WWOX: variants seen among roughly 807,000 people sequenced by gnomAD.
WWOX encodes the protein WW domain-containing oxidoreductase.
WWOX carries 69 observed loss-of-function variants against 46.2 expected under a neutral mutation model. The observed-to-expected ratio is 1.49, with a 90% confidence interval of 1.23 to 1.82. WWOX has a LOEUF of 1.82. WWOX is among the 40% of genes most tolerant of loss of function. The probability of loss-of-function intolerance (pLI) is 0.00; values close to 1 mark genes in which losing one functional copy is unlikely to be tolerated. For synonymous variants in WWOX, 359 were observed against 202.6 expected (o/e 1.77, Z -6.56); for missense variants, 919 against 542.6 (o/e 1.69, Z -6.89).
At chr16:78,465,964 G>A (rs549142098) in intron 8 of WWOX, among the ~76,000 whole-genome samples, 3 of 152,238 alleles carry the variant, frequency 2.0e-5, no homozygotes, top group South Asian at 4.1e-4. Context: ...ATACGCATCG[G>A]TGGTTTCTGG....
At chr16:78,865,248 C>T (rs1228911841) in intron 8 of WWOX, among the ~76,000 whole-genome samples, 1 of 152,068 alleles carries the variant, frequency 6.6e-6, no homozygotes, top group Non-Finnish European at 1.5e-5. Flanking sequence ...GACTTACTCT[C>T]TTCCTTTATT....
At chr16:79,058,104 C>CT (rs1285861865) in intron 8 of WWOX, among the ~76,000 whole-genome samples, 13 of 108,188 alleles carry the variant, frequency 1.2e-4, no homozygotes, top group Non-Finnish European at 1.9e-4. Flanking sequence ...ATATATCTTA[C>CT]TTAAAAAAAA....
chr16:78,570,241 G>C (rs754150875), intron 8 of WWOX, among the ~76,000 whole-genome samples: 1 of 152,132 alleles, frequency 6.6e-6, no homozygotes, highest in Non-Finnish European at 1.5e-5. Flanking sequence ...GGGCCCAAGT[G>C]TTTTATTAAT....
intron 6 of WWOX, among the ~76,000 whole-genome samples, chr16:78,416,469 C>T (rs150514506): frequency 6.6e-6 from 1 of 152,302 alleles, no homozygotes; most frequent in Non-Finnish European, 1.5e-5. Flanking sequence ...TATTTTGCCT[C>T]TGGAGTTGTG....
At chr16:78,377,450 C>G (rs142024149) in intron 5 of WWOX, among the ~76,000 whole-genome samples, 1 of 152,186 alleles carries the variant, frequency 6.6e-6, no homozygotes, top group South Asian at 2.1e-4. Flanking sequence ...CTCCTCTTTA[C>G]TTGCCTGCAA....
chr16:78,580,227 G>T (rs990648423), intron 8 of WWOX, among the ~76,000 whole-genome samples: 1 of 151,962 alleles, frequency 6.6e-6, no homozygotes, highest in African/African-American at 2.4e-5. Context: ...GTGTGTGCCA[G>T]CATGCCCGGC....
intron 8 of WWOX, among the ~76,000 whole-genome samples, chr16:78,434,084 C>T (rs77446562): frequency 0.012 from 1,780 of 152,280 alleles, 29 homozygotes; most frequent in African/African-American, 0.04. Flanking sequence ...CCACCGCGCC[C>T]GGCCTGGGGA....
intron 4 of WWOX, among the ~76,000 whole-genome samples, chr16:78,116,902 T>C (rs2032824058): frequency 6.6e-6 from 1 of 152,228 alleles, no homozygotes; most frequent in Admixed American, 6.5e-5. Flanking sequence ...AACTGCTCCA[T>C]GTGACATTAG....
intron 8 of WWOX, among the ~76,000 whole-genome samples, chr16:78,666,485 G>C (rs2047335899): frequency 1.3e-5 from 2 of 152,058 alleles, no homozygotes; most frequent in South Asian, 4.1e-4. Flanking sequence ...ATTGTAATTT[G>C]CCTTTAAAAA....
intron 8 of WWOX, among the ~76,000 whole-genome samples, chr16:79,075,394 C>A (rs184403940): frequency 2.6e-5 from 4 of 152,290 alleles, no homozygotes; most frequent in African/African-American, 9.6e-5. Flanking sequence ...TAGGACTTTT[C>A]AGTACTTCCT....
At chr16:79,024,248 A>T (rs745897043) in intron 8 of WWOX, among the ~76,000 whole-genome samples, 1 of 152,070 alleles carries the variant, frequency 6.6e-6, no homozygotes, top group African/African-American at 2.4e-5. Flanking sequence ...GGTGAATTTT[A>T]TTTTATGTCT....
intron 8 of WWOX, among the ~76,000 whole-genome samples, chr16:79,060,548 C>T (rs1285971556): frequency 2.0e-5 from 3 of 152,210 alleles, no homozygotes; most frequent in East Asian, 3.9e-4. Flanking sequence ...TGATGAATAG[C>T]AAGATTGCTC....
chr16:78,660,164 G>C (rs1403675735), intron 8 of WWOX, among the ~76,000 whole-genome samples: 1 of 152,150 alleles, frequency 6.6e-6, no homozygotes, highest in Non-Finnish European at 1.5e-5. Context: ...ATTGTGGACT[G>C]TGCTGCTTTT....
At chr16:78,873,894 C>T (rs990934252) in intron 8 of WWOX, among the ~76,000 whole-genome samples, 3 of 152,078 alleles carry the variant, frequency 2.0e-5, no homozygotes, top group African/African-American at 7.2e-5. Flanking sequence ...AATCACAGGT[C>T]AGGTCCTAGT....
At chr16:78,184,312 G>C (rs1442975537) in intron 5 of WWOX, among the ~76,000 whole-genome samples, 1 of 152,112 alleles carries the variant, frequency 6.6e-6, no homozygotes, top group Non-Finnish European at 1.5e-5. Flanking sequence ...GGCTGGGGTA[G>C]GCAAGGGACA....
At chr16:78,395,307 T>C (rs1446572355) in intron 6 of WWOX, among the ~76,000 whole-genome samples, 4 of 152,192 alleles carry the variant, frequency 2.6e-5, no homozygotes, top group African/African-American at 9.7e-5. Flanking sequence ...TTGCTTGAGT[T>C]CCGGAGTTTG....
At chr16:78,996,333 T>G in intron 8 of WWOX, 1 of 977,562 alleles carries the variant, frequency 1.0e-6, no homozygotes, top group Admixed American at 6.5e-5. Flanking sequence ...TGACAGAAGA[T>G]AGAAAGGATG....
chr16:78,494,005 GA>G (rs1308183281), intron 8 of WWOX, among the ~76,000 whole-genome samples: 2 of 152,192 alleles, frequency 1.3e-5, no homozygotes, highest in African/African-American at 4.8e-5. Flanking sequence ...AATTTATAAA[GA>G]AGGGAGGTTT....
chr16:79,054,577 T>G (rs111769512), intron 8 of WWOX, among the ~76,000 whole-genome samples: 3 of 152,272 alleles, frequency 2.0e-5, no homozygotes, highest in Non-Finnish European at 2.9e-5. Context: ...ATCTCCACAC[T>G]TGGGGCGGTC....
Sources: gnomAD v4.1 joint callset for allele counts (sites outside exome capture counted in the v4.1 genomes callset) on GRCh38, gnomAD v4.1.1 for gene constraint, MANE v1.5 for transcripts, NCBI Gene and HGNC (gene_info 2026-07-23, HGNC 2026-07-21) for gene names.